The following SAMD12 variants were observed in gnomAD, a reference collection of about 807,000 sequenced individuals.
The protein encoded by SAMD12 is sterile alpha motif domain-containing protein 12.
In SAMD12, 9 loss-of-function variants were observed where a neutral mutation model predicts 15.0. That is an observed-to-expected ratio of 0.60 (90% CI 0.36 to 1.05). The LOEUF (loss-of-function observed/expected upper bound fraction) is 1.05. Ranked by LOEUF, SAMD12 falls within the 50% of genes least tolerant of loss-of-function variation. The probability of loss-of-function intolerance (pLI) is 0.01; values close to 1 mark genes in which losing one functional copy is unlikely to be tolerated. For synonymous variants in SAMD12, 86 were observed against 90.1 expected, an observed-to-expected ratio of 0.96 and a Z score of 0.25; for missense variants, 230 against 234.2, an observed-to-expected ratio of 0.98 and a Z score of 0.12.
At chr8:118,337,779 G>A (rs1231916425) in intron 4 of SAMD12, among the ~76,000 whole-genome samples, 1 of 152,138 alleles carries the variant, frequency 6.6e-6, no homozygotes, top group Non-Finnish European at 1.5e-5. Context: ...CAAGAGTAGT[G>A]ATGCTAGCAA....
intron 4 of SAMD12, among the ~76,000 whole-genome samples, chr8:118,283,818 C>T (rs1235397289): frequency 6.6e-6 from 1 of 152,178 alleles, no homozygotes; most frequent in Non-Finnish European, 1.5e-5. Context: ...TGGGATTAAA[C>T]AGGGGAACTT....
the SAMD12 span, among the ~76,000 whole-genome samples, chr8:118,156,955 T>A: frequency 6.6e-6 from 1 of 152,114 alleles, no homozygotes; most frequent in Admixed American, 6.5e-5. Context: ...GTTTGCCCTA[T>A]GGAAATTAGA....
chr8:118,398,875 T>C (rs923691787), intron 3 of SAMD12, among the ~76,000 whole-genome samples: 1 of 151,910 alleles, frequency 6.6e-6, no homozygotes, highest in Non-Finnish European at 1.5e-5. Context: ...TAAAGCTGTT[T>C]TTTTTGTGTG....
At chr8:118,273,354 TA>T (rs1462095660) in intron 4 of SAMD12, among the ~76,000 whole-genome samples, 4 of 152,152 alleles carry the variant, frequency 2.6e-5, no homozygotes, top group Non-Finnish European at 5.9e-5. Flanking sequence ...ACATCCTTTC[TA>T]TGGCACATGG....
chr8:118,220,264 C>G (rs1403376436), intron 4 of SAMD12, among the ~76,000 whole-genome samples: 2 of 152,194 alleles, frequency 1.3e-5, no homozygotes, highest in Non-Finnish European at 2.9e-5. Context: ...ATAGTGTTCT[C>G]TACAGCAATT....
intron 2 of SAMD12, among the ~76,000 whole-genome samples, chr8:118,569,360 C>T (rs1369845798): frequency 2.0e-5 from 3 of 152,036 alleles, no homozygotes; most frequent in South Asian, 4.2e-4. Context: ...ACTTGGATCC[C>T]ATCTCCAAGA....
intron 2 of SAMD12, among the ~76,000 whole-genome samples, chr8:118,475,279 C>T (rs1486059080): frequency 6.6e-6 from 1 of 151,902 alleles, no homozygotes; most frequent in Admixed American, 6.6e-5. Flanking sequence ...CTGGTACCTC[C>T]CTCCCCTCTC....
chr8:118,160,582 G>A, the SAMD12 span, among the ~76,000 whole-genome samples: 2 of 152,126 alleles, frequency 1.3e-5, no homozygotes, highest in Admixed American at 6.5e-5. Flanking sequence ...ACAAAGTGAG[G>A]AAAGAGTTTC....
At chr8:118,501,792 G>A (rs1344674660) in intron 2 of SAMD12, among the ~76,000 whole-genome samples, 3 of 152,178 alleles carry the variant, frequency 2.0e-5, no homozygotes, top group Admixed American at 6.5e-5. Context: ...CAAGGCAGGC[G>A]GATGACGAGG....
chr8:118,404,097 C>A (rs1821003610), intron 3 of SAMD12, among the ~76,000 whole-genome samples: 2 of 152,170 alleles, frequency 1.3e-5, no homozygotes, highest in African/African-American at 4.8e-5. Context: ...GTCCTTCCAT[C>A]TCAACCTCCC....
At chr8:118,483,528 TACG>T (rs1416483585) in intron 2 of SAMD12, among the ~76,000 whole-genome samples, 4 of 152,152 alleles carry the variant, frequency 2.6e-5, no homozygotes, top group East Asian at 1.9e-4. Context: ...TGAATTTCAT[TACG>T]ACATTTTATT....
At chr8:118,257,567 G>A (rs990929236) in intron 4 of SAMD12, among the ~76,000 whole-genome samples, 7 of 152,098 alleles carry the variant, frequency 4.6e-5, no homozygotes, top group African/African-American at 1.7e-4. Flanking sequence ...GAATCTGCAA[G>A]TACAAGTTAC....
chr8:118,482,283 A>G (rs1003090865), intron 2 of SAMD12, among the ~76,000 whole-genome samples: 1 of 152,230 alleles, frequency 6.6e-6, no homozygotes, highest in African/African-American at 2.4e-5. Flanking sequence ...TCTTTGCCCT[A>G]GAGTTACAGA....
chr8:118,447,056 C>T (rs1822935933), intron 2 of SAMD12, among the ~76,000 whole-genome samples: 1 of 152,174 alleles, frequency 6.6e-6, no homozygotes, highest in Non-Finnish European at 1.5e-5. Context: ...ATGCTTCCCG[C>T]TGTGGAGGCC....
chr8:118,342,448 A>G (rs1318768325), intron 4 of SAMD12, among the ~76,000 whole-genome samples: 1 of 152,184 alleles, frequency 6.6e-6, no homozygotes, highest in East Asian at 1.9e-4. Context: ...TAACTCTATC[A>G]TGCCCACAAG....
chr8:118,404,155 A>G (rs1288841357), intron 3 of SAMD12, among the ~76,000 whole-genome samples: 1 of 152,062 alleles, frequency 6.6e-6, no homozygotes, highest in East Asian at 1.9e-4. Context: ...GCTAAGTTTT[A>G]AAACTTTTTG....
At chr8:118,504,230 C>T (rs1308889840) in intron 2 of SAMD12, among the ~76,000 whole-genome samples, 2 of 152,334 alleles carry the variant, frequency 1.3e-5, no homozygotes, top group South Asian at 2.1e-4. Flanking sequence ...AGCAACACAT[C>T]CAACTCCTCT....
At chr8:118,464,830 T>C (rs892626070) in intron 2 of SAMD12, among the ~76,000 whole-genome samples, 1 of 152,176 alleles carries the variant, frequency 6.6e-6, no homozygotes, top group African/African-American at 2.4e-5. Flanking sequence ...CTCAAAGATT[T>C]ATCCCACCAT....
chr8:118,553,963 C>T (rs1826435753), intron 2 of SAMD12, among the ~76,000 whole-genome samples: 4 of 152,108 alleles, frequency 2.6e-5, no homozygotes, highest in Admixed American at 2.6e-4. Flanking sequence ...CAGAGAAATG[C>T]AAATCAAAAC....
Sources: gnomAD v4.1 joint callset for allele counts (sites outside exome capture counted in the v4.1 genomes callset) on GRCh38, gnomAD v4.1.1 for gene constraint, MANE v1.5 for transcripts, NCBI Gene and HGNC (gene_info 2026-07-23, HGNC 2026-07-21) for gene names.